The following STX6 variants were observed in gnomAD, a reference collection of about 807,000 sequenced individuals.
STX6 encodes the protein syntaxin 6.
Under a neutral mutation model 38.0 loss-of-function variants are expected in STX6, and 23 were observed. The ratio of observed to expected loss-of-function variants is 0.60; its 90% CI spans 0.43 to 0.86. STX6 has a LOEUF of 0.86. STX6 is among the 40% of genes least tolerant of loss of function. The pLI is 0.00. For missense variants in STX6, 274 were observed against 312.9 expected (o/e 0.88, Z 0.94); for synonymous variants, 123 against 107.5 (o/e 1.14, Z -0.89).
intron 6 of STX6, among the ~76,000 whole-genome samples, chr1:180,986,681 G>A (rs1032717937): frequency 6.6e-6 from 1 of 152,118 alleles, no homozygotes; most frequent in African/African-American, 2.4e-5. Context: ...CCTAGTACTT[G>A]GGACTACAGG....
chr1:181,011,346 T>C (rs1656393355), intron 1 of STX6, among the ~76,000 whole-genome samples: 1 of 152,200 alleles, frequency 6.6e-6, no homozygotes, highest in Non-Finnish European at 1.5e-5. Context: ...TCTCTCTAAG[T>C]GGAAAACCTC....
chr1:181,000,409 T>C (rs1656046186), intron 3 of STX6, among the ~76,000 whole-genome samples: 1 of 152,182 alleles, frequency 6.6e-6, no homozygotes, highest in Non-Finnish European at 1.5e-5. Flanking sequence ...AGGCAACTTC[T>C]TCACAAGGCA....
intron 3 of STX6, among the ~76,000 whole-genome samples, chr1:180,997,958 T>G (rs538287301): frequency 2.4e-4 from 37 of 152,366 alleles, no homozygotes; most frequent in Middle Eastern, 3.4e-3. Flanking sequence ...TCAGGATTAT[T>G]TGCATTTTAT....
At chr1:181,012,453 A>C (rs1656428582) in intron 1 of STX6, among the ~76,000 whole-genome samples, 1 of 152,094 alleles carries the variant, frequency 6.6e-6, no homozygotes, top group Non-Finnish European at 1.5e-5. Context: ...AGCCCATCAA[A>C]ATCATGGAAC....
Position 180,973,455 on chromosome 1 carries a change from T to C in STX6, c.*3115A>G, listed in dbSNP as rs948871631. ...AAAACACTTAACAGAGACAGATTTC[T>C]GTTGGAGTTAGACTAGATTTCTTTT... On this transcript the variant is annotated 3_prime_UTR_variant, in exon 8 of 8. Coordinates refer to ENST00000258301, the MANE Select transcript of STX6 (RefSeq NM_005819.6). 2.0e-5 allele frequency: 3 copies of C among 152,684 alleles called. No homozygotes were observed. The highest frequency in any genetic ancestry group is 4.4e-5 in the Non-Finnish European group (3 of 68,048). 9.5% of individuals were successfully genotyped at this position (152,684 alleles called of 1,614,324 possible).
At position 180,990,066 on chromosome 1, in the gene STX6, G is replaced by T; in HGVS notation, c.407C>A (p.Thr136Lys). 6.2e-7 allele frequency: 1 copy of T among 1,614,142 alleles called. No individual in the cohort carries two copies. The highest frequency in any genetic ancestry group is 1.1e-5 in the South Asian group (1 of 91,080). The change falls in exon 5 of 8, where the codon ACA becomes AAA. Residue 136 changes from threonine to lysine, a missense_variant. By Grantham distance (78) the Thr-to-Lys change is moderately conservative. Transcript: ENST00000258301. ...GTCCAGACGCCCATATTTATCTGTT[G>T]TTCCAGTGCTCCAGTTCTGGCTGCC... ...DSGSQNWSTG[T>K]TDKYGRLDRE... is the part of the protein sequence containing the mutation.
chr1:181,020,501 C>T (rs1487886356), intron 1 of STX6, among the ~76,000 whole-genome samples: 1 of 152,112 alleles, frequency 6.6e-6, no homozygotes, highest in East Asian at 1.9e-4. Flanking sequence ...TATTGGACAG[C>T]AATGATCCAA....
chr1:180,986,575 C>A (rs1266954958), intron 6 of STX6, among the ~76,000 whole-genome samples: 2 of 152,208 alleles, frequency 1.3e-5, no homozygotes, highest in Non-Finnish European at 2.9e-5. Flanking sequence ...GACAGGGTCT[C>A]CTCTGTCACC....
chr1:180,997,362 TTTAA>T (rs1655942631), intron 3 of STX6, among the ~76,000 whole-genome samples: 2 of 152,234 alleles, frequency 1.3e-5, no homozygotes, highest in Admixed American at 6.5e-5. Context: ...TGAATTTTAC[TTTAA>T]TTAATTGATA....
chr1:181,001,779 T>C (rs1271216749), intron 3 of STX6, among the ~76,000 whole-genome samples: 1 of 152,206 alleles, frequency 6.6e-6, no homozygotes, highest in Admixed American at 6.5e-5. Context: ...ATAACTAGCT[T>C]GAAGAAACTA....
At chr1:180,995,192 A>G (rs1405818890) in intron 3 of STX6, among the ~76,000 whole-genome samples, 1 of 151,990 alleles carries the variant, frequency 6.6e-6, no homozygotes, top group Non-Finnish European at 1.5e-5. Context: ...CGATCTCTTG[A>G]TCTTGTGATC....
intron 4 of STX6, among the ~76,000 whole-genome samples, chr1:180,990,552 G>C (rs1655727299): frequency 9.8e-6 from 1 of 102,226 alleles, no homozygotes; most frequent in Non-Finnish European, 2.3e-5. Flanking sequence ...GGGTTTTTTT[G>C]GTGGGGGGAA....
At chr1:181,013,835 C>T (rs1656478578) in intron 1 of STX6, among the ~76,000 whole-genome samples, 1 of 152,142 alleles carries the variant, frequency 6.6e-6, no homozygotes, top group African/African-American at 2.4e-5. Context: ...CTCTATCTCT[C>T]CACAGTCTGC....
intron 1 of STX6, among the ~76,000 whole-genome samples, chr1:181,011,655 A>G (rs1465440530): frequency 1.3e-5 from 2 of 152,206 alleles, no homozygotes; most frequent in Non-Finnish European, 1.5e-5. Flanking sequence ...GTAACATATA[A>G]TCATGTCACC....
intron 3 of STX6, among the ~76,000 whole-genome samples, chr1:180,998,464 C>G (rs572509378): frequency 3.3e-5 from 5 of 152,074 alleles, no homozygotes; most frequent in Non-Finnish European, 5.9e-5. Context: ...TTCACTGCAA[C>G]CTCTGTCTCC....
rs1451693415 is a variant in STX6 at position 180,975,362 on chromosome 1, GTTAAAGT to G, written c.*1201_*1207del. 6.6e-6 allele frequency: 1 copy of G among 151,128 alleles called. No homozygotes were observed. The highest frequency in any genetic ancestry group is 2.4e-5 in the African/African-American group (1 of 40,972). 9.4% of individuals were successfully genotyped at this position (151,128 alleles called of 1,614,324 possible). A position where few individuals can be genotyped will look rare whatever the true frequency, so the allele number is the denominator to read the frequency against. ...AGGCATTTTAAAAAGTCATCAGAAG[GTTAAAGT>G]TTAGTGTCTCAGCAGTTTCAGCTAC... On this transcript the variant is annotated 3_prime_UTR_variant, in exon 8 of 8. Coordinates refer to ENST00000258301, the MANE Select transcript of STX6 (RefSeq NM_005819.6).
At chr1:181,009,528 A>G (rs1656333836) in intron 1 of STX6, among the ~76,000 whole-genome samples, 1 of 152,022 alleles carries the variant, frequency 6.6e-6, no homozygotes, top group East Asian at 1.9e-4. Context: ...AGACATACAT[A>G]TGACAAATAG....
chr1:181,022,312 T>C (rs991270678), intron 1 of STX6, among the ~76,000 whole-genome samples: 6 of 152,178 alleles, frequency 3.9e-5, no homozygotes, highest in African/African-American at 1.4e-4. Flanking sequence ...AGACGGCCAG[T>C]GTGCGCCAGG....
intron 7 of STX6, among the ~76,000 whole-genome samples, chr1:180,982,896 A>G (rs77470340): frequency 0.019 from 2,967 of 152,310 alleles, 94 homozygotes; most frequent in African/African-American, 0.067. Context: ...GTTTCAGGCA[A>G]TGAAGAGCCC....
Sources: gnomAD v4.1 joint callset for allele counts (sites outside exome capture counted in the v4.1 genomes callset) on GRCh38, gnomAD v4.1.1 for gene constraint, MANE v1.5 for transcripts, NCBI Gene and HGNC (gene_info 2026-07-23, HGNC 2026-07-21) for gene names.